The following TRAPPC10 variants were observed in gnomAD, a reference collection of about 807,000 sequenced individuals.
TRAPPC10 encodes trafficking protein particle complex subunit 10, also known as TRAPP 130 kDa subunit.
TRAPPC10 carries 23 observed loss-of-function variants against 125.5 expected under a neutral mutation model. That is an observed-to-expected ratio of 0.18 (90% CI 0.13 to 0.26). The LOEUF (loss-of-function observed/expected upper bound fraction) is 0.26, where lower values mean the gene tolerates loss of function less well. Among genes scored for constraint, TRAPPC10 ranks in the 10% least tolerant of loss-of-function variants. The probability of loss-of-function intolerance (pLI) is 1.00; values close to 1 mark genes in which losing one functional copy is unlikely to be tolerated. For missense variants in TRAPPC10, 1,123 were observed against 1,308.4 expected, an observed-to-expected ratio of 0.86 and a Z score of 2.19; for synonymous variants, 509 against 518.0, an observed-to-expected ratio of 0.98 and a Z score of 0.24.
In TRAPPC10 at chr21:44,095,208, T is replaced by C. The variant is rs2038845311; in HGVS notation, c.3168+975T>C. Among the ~76,000 whole-genome samples the C allele has an allele frequency of 2.7e-5, 4 of 150,942 alleles. No homozygotes were observed. The South Asian group carries it at 8.3e-4, about 31-fold the overall frequency. On this transcript the variant is annotated intron_variant, in intron 20 of 22. Transcript: ENST00000291574. ...GACCACAGGCACGTGTCACCACACCTGGCTAATTATTTTTATTTTATTTTA... is the reference window on the plus strand; with the variant it reads ...GACCACAGGCACGTGTCACCACACCCGGCTAATTATTTTTATTTTATTTTA...
At position 44,082,808 on chromosome 21, in the gene TRAPPC10, A is replaced by G. The variant is rs779346611; in HGVS notation, c.1744A>G (p.Met582Val). The change falls in exon 14 of 23, where the codon ATG becomes GTG. Residue 582 changes from methionine (M) to valine (V), a missense_variant. Transcript: ENST00000291574. The surrounding 1 kb of genome is among the most constrained non-coding windows in gnomAD (Gnocchi z 4.4). Reference protein sequence around the residue: ...DSPGHKIVLPMHSFAQLRDLH... With the variant: ...DSPGHKIVLPVHSFAQLRDLH... ...TACAGGTCATAAGATAGTGCTACCC[A>G]TGCATTCCTTTGCACAACTGCGAGA... is the stretch of plus-strand genomic sequence containing the variant. 1 of 1,613,776 alleles carries G rather than the reference A, an allele frequency of 6.2e-7. No individual in the cohort carries two copies. Among genetic ancestry groups the G allele is most frequent in the Non-Finnish European group, 8.5e-7 (1 of 1,179,952 alleles).
In TRAPPC10 at chr21:44,063,760, G is replaced by A; in HGVS notation, c.1013G>A (p.Cys338Tyr). Residue 338 changes from cysteine to tyrosine, a missense_variant, in exon 7 of 23, where the codon TGC (cysteine) becomes TAC (tyrosine). By Grantham distance (194) the Cys-to-Tyr change is radical. This residue lies in a region of TRAPPC10 where 840 missense variants were observed against 902.0 expected (regional missense o/e 0.93). Transcript: ENST00000291574. The surrounding 1 kb of genome is among the most constrained non-coding windows in gnomAD (Gnocchi z 4.4). ...CGCGCCCTAGAGCTGCTGCACAACT[G>A]CGTGCAGGAACTGAAGCTCTTAGAA... is the stretch of plus-strand genomic sequence containing the variant. ...AQRALELLHN[C>Y]VQELKLLEVS... 1 of 1,614,002 alleles carries A rather than the reference G, an allele frequency of 6.2e-7. No individual in the cohort carries two copies. The highest frequency in any genetic ancestry group is 8.5e-7 in the Non-Finnish European group (1 of 1,179,978).
intron 1 of TRAPPC10, among the ~76,000 whole-genome samples, chr21:44,022,487 G>A (rs1170927382): frequency 7.4e-6 from 1 of 134,568 alleles, no homozygotes; most frequent in African/African-American, 3.1e-5. Flanking sequence ...CAAAGACGGG[G>A]TTTGTTAGTA....
At chr21:44,057,140 A>G (rs1390843243) in intron 5 of TRAPPC10, among the ~76,000 whole-genome samples, 1 of 152,088 alleles carries the variant, frequency 6.6e-6, no homozygotes, top group Non-Finnish European at 1.5e-5. Flanking sequence ...CAGAGACAGA[A>G]GGTGGAATGG....
chr21:44,046,945 AAT>A (rs2034864924), intron 3 of TRAPPC10: 1 of 827,982 alleles, frequency 1.2e-6, no homozygotes, highest in Admixed American at 1.8e-5. Flanking sequence ...GGTGTCGATG[AAT>A]ATGGCCCACT....
intron 7 of TRAPPC10, among the ~76,000 whole-genome samples, chr21:44,070,295 G>C (rs924842201): frequency 6.6e-6 from 1 of 152,214 alleles, no homozygotes; most frequent in African/African-American, 2.4e-5. Context: ...CAGGAGAGGA[G>C]GAGGGACTTT....
At chr21:44,077,862 T>C in intron 11 of TRAPPC10, 78 bp downstream of exon 11, 1 of 1,103,608 alleles carries the variant, frequency 9.1e-7, no homozygotes, top group Non-Finnish European at 1.3e-6. Context: ...GGAGTTAGTA[T>C]AAAGTGCACA....
chr21:44,032,374 G>GTTTTTTTTT (rs371545519), intron 2 of TRAPPC10, among the ~76,000 whole-genome samples: 1 of 123,044 alleles, frequency 8.1e-6, no homozygotes, highest in Non-Finnish European at 1.7e-5. Flanking sequence ...GAATGCCATG[G>GTTTTTTTTT]TTTTCTTTTT....
chr21:44,062,079 T>C (rs754779724), intron 6 of TRAPPC10, among the ~76,000 whole-genome samples: 2 of 152,246 alleles, frequency 1.3e-5, no homozygotes, highest in Admixed American at 6.5e-5. Flanking sequence ...TCAGTGCATG[T>C]GAGAAGGAGC....
In TRAPPC10 at chr21:44,082,938, T is replaced by C. The variant is rs2037862591; in HGVS notation, c.1874T>C (p.Ile625Thr). 4 of 1,614,124 alleles carry C rather than the reference T, an allele frequency of 2.5e-6. No individual in the cohort carries two copies. Among genetic ancestry groups the C allele is most frequent in the African/African-American group, 2.7e-5 (2 of 75,026 alleles). ...QMPVPVHVEQ[I>T]VVNVHFSIEK... ...CCTGTGCCTGTTCACGTGGAGCAGA[T>C]TGTGGTCAATGTCCACTTCAGCATT... Residue 625 changes from isoleucine (I) to threonine (T), a missense_variant, in exon 14 of 23, where the codon ATT (isoleucine) becomes ACT (threonine). Physicochemically the swap from Ile to Thr is moderately conservative, Grantham distance 89. This residue lies in a region of TRAPPC10 where 840 missense variants were observed against 902.0 expected (regional missense o/e 0.93). Transcript: ENST00000291574. The surrounding 1 kb of genome is among the most constrained non-coding windows in gnomAD (Gnocchi z 4.4).
intron 15 of TRAPPC10, among the ~76,000 whole-genome samples, chr21:44,086,213 C>A (rs541144670): frequency 1.3e-5 from 2 of 152,334 alleles, no homozygotes; most frequent in East Asian, 3.9e-4. Context: ...TCCCCTGTCT[C>A]TGTCCACTCT....
In TRAPPC10 at chr21:44,084,102, GC is replaced by G. The variant is rs1346475210; in HGVS notation, c.2239-18del. On this transcript the variant is annotated intron_variant, in intron 14 of 22. Transcript: ENST00000291574. ...AAAACTGGGTGACGTGGTTTCAAAT[GC>G]CTGATTCTTTGACTCTAGGCCAAGG... is the stretch of plus-strand genomic sequence containing the variant. The G allele has an allele frequency of 1.9e-6, 3 of 1,613,164 alleles. No homozygotes were observed. In the East Asian group the frequency reaches 6.7e-5, roughly 36 times the overall value.
chr21:44,092,085 A>C (rs768529740), intron 19 of TRAPPC10, 36 bp downstream of exon 19: 1 of 1,610,364 alleles, frequency 6.2e-7, no homozygotes, highest in Non-Finnish European at 8.5e-7. Flanking sequence ...AAACTTCTCA[A>C]CAGAGAACCA....
intron 3 of TRAPPC10, among the ~76,000 whole-genome samples, chr21:44,050,936 G>A (rs965870808): frequency 6.6e-6 from 1 of 152,104 alleles, no homozygotes; most frequent in African/African-American, 2.4e-5. Flanking sequence ...ACGCAGTCTC[G>A]CTCTGTCGCC....
intron 3 of TRAPPC10, among the ~76,000 whole-genome samples, chr21:44,039,397 T>C (rs1422493021): frequency 6.6e-6 from 1 of 152,214 alleles, no homozygotes; most frequent in African/African-American, 2.4e-5. Flanking sequence ...CACTTTCTAA[T>C]CATTTGAGGC....
intron 1 of TRAPPC10, among the ~76,000 whole-genome samples, chr21:44,023,107 A>G (rs1275060570): frequency 7.8e-6 from 1 of 127,718 alleles, no homozygotes. Context: ...ATCTTGGCTC[A>G]CTGCAAGTTC....
intron 3 of TRAPPC10, among the ~76,000 whole-genome samples, chr21:44,043,594 A>G (rs1424267399): frequency 6.6e-6 from 1 of 152,054 alleles, no homozygotes; most frequent in East Asian, 1.9e-4. Context: ...CCACATGTCG[A>G]GTGTCCAAAT....
At chr21:44,056,765 C>T (rs543073984) in intron 5 of TRAPPC10, among the ~76,000 whole-genome samples, 3 of 152,020 alleles carry the variant, frequency 2.0e-5, no homozygotes, top group Admixed American at 1.3e-4. Flanking sequence ...GTTTGGGGGT[C>T]GAGGGTGGGG....
At chr21:44,065,885 A>G (rs994825578) in intron 7 of TRAPPC10, among the ~76,000 whole-genome samples, 3 of 152,210 alleles carry the variant, frequency 2.0e-5, no homozygotes, top group African/African-American at 7.2e-5. Context: ...TTTTTGGTAG[A>G]GATGAGTGTC....
Sources: gnomAD v4.1 joint callset for allele counts (sites outside exome capture counted in the v4.1 genomes callset) on GRCh38, gnomAD v4.1.1 for gene constraint, gnomAD v4.1.1 regional missense constraint, Gnocchi (gnomAD v3.1) non-coding constraint, MANE v1.5 for transcripts, NCBI Gene and HGNC (gene_info 2026-07-23, HGNC 2026-07-21) for gene names.